Variants in ACOX3 observed in about 807,000 individuals in gnomAD.
ACOX3 encodes peroxisomal acyl-coenzyme A oxidase 3.
In ACOX3, 73 loss-of-function variants were observed where a neutral mutation model predicts 81.5. The observed-to-expected ratio is 0.90, with a 90% CI of 0.74 to 1.09. The LOEUF (loss-of-function observed/expected upper bound fraction) is 1.09, where lower values mean the gene tolerates loss of function less well. Ranked by LOEUF, ACOX3 falls within the 50% of genes least tolerant of loss-of-function variation. ACOX3 has a pLI of 0.00. For missense variants in ACOX3, 947 were observed against 928.0 expected, an observed-to-expected ratio of 1.02 and a Z score of -0.27; for synonymous variants, 387 against 375.1, an observed-to-expected ratio of 1.03 and a Z score of -0.37.
intron 16 of ACOX3, among the ~76,000 whole-genome samples, chr4:8,373,214 G>T (rs3756189): frequency 1.3e-5 from 2 of 152,040 alleles, no homozygotes; most frequent in African/African-American, 4.8e-5. Flanking sequence ...GAGACGCCCC[G>T]ACAGGTTTCT....
intron 1 of ACOX3, among the ~76,000 whole-genome samples, chr4:8,429,962 A>G (rs963381427): frequency 2.0e-5 from 3 of 152,176 alleles, no homozygotes; most frequent in Non-Finnish European, 4.4e-5. Flanking sequence ...AAAGGTTTGC[A>G]TTTATAGGGA....
chr4:8,371,104 T>C (rs758524975), intron 16 of ACOX3, 110 bp from the exon 17 acceptor site: 3 of 948,606 alleles, frequency 3.2e-6, no homozygotes, highest in Non-Finnish European at 4.9e-6. Flanking sequence ...ACGGGTCACC[T>C]GAGCGGCACG....
At position 8,375,145 on chromosome 4, in the gene ACOX3, T is replaced by C. The variant is rs747335472; in HGVS notation, c.1661A>G (p.His554Arg). 1.3e-6 allele frequency: 2 copies of C among 1,543,130 alleles called. No homozygotes were observed. Among genetic ancestry groups the C allele is most frequent in the Non-Finnish European group, 1.8e-6 (2 of 1,141,564 alleles). ...GAAGGCCAGCGCCAACGGACGGCCGTGGGACACCTGGAACACAGGACGGCA... is the reference window on the plus strand; with the variant it reads ...GAAGGCCAGCGCCAACGGACGGCCGCGGGACACCTGGAACACAGGACGGCA... Reference protein sequence around the residue: ...FEARNKCQVSHGRPLALAFVE... With the variant: ...FEARNKCQVSRGRPLALAFVE... The change falls in exon 15 of 18, where the codon CAC (histidine) becomes CGC (arginine). Residue 554 changes from histidine (H) to arginine (R), a missense_variant. By Grantham distance (29) the His-to-Arg change is conservative. Transcript: ENST00000356406.
At position 8,366,865 on chromosome 4, in the gene ACOX3, A is replaced by T. The variant is rs1221955824; in HGVS notation, c.*96T>A. 1 of 1,523,812 alleles carries T rather than the reference A, an allele frequency of 6.6e-7. No individual in the cohort carries two copies. Among genetic ancestry groups the T allele is most frequent in the Non-Finnish European group, 9.0e-7 (1 of 1,116,408 alleles). 94.4% of individuals were successfully genotyped at this position (1,523,812 alleles called of 1,614,324 possible). A position where few individuals can be genotyped will look rare whatever the true frequency, so the allele number is the denominator to read the frequency against. On this transcript the variant is annotated 3_prime_UTR_variant, in exon 18 of 18. Transcript: ENST00000356406. ...CACAGGTGCGGGCTCAGAAAGCAGC[A>T]GCAATCTCCGGCGTGTTCTGGAATC... is the stretch of plus-strand genomic sequence containing the variant.
chr4:8,423,069 G>A lies in ACOX3; in HGVS notation c.-14-6534C>T, dbSNP rs1289600317. Among the ~76,000 whole-genome samples, 1 of 152,174 alleles carries A rather than the reference G, an allele frequency of 6.6e-6. No homozygotes were observed. Among genetic ancestry groups the A allele is most frequent in the Non-Finnish European group, 1.5e-5 (1 of 68,022 alleles). On this transcript the variant is annotated intron_variant, in intron 1 of 17. Transcript: ENST00000356406. This position sits in a 1 kb window ranked among gnomAD's most constrained non-coding sequence, Gnocchi z 4.2. The stretch of plus-strand genomic sequence containing the variant: ...ACCATTGGGGGCCAGAAGGTTAACT[G>A]TCTCCTGAACACTGGCATGGCCTTC...
At chr4:8,369,817 A>G (rs1715931582) in intron 17 of ACOX3, among the ~76,000 whole-genome samples, 2 of 152,358 alleles carry the variant, frequency 1.3e-5, no homozygotes, top group African/African-American at 4.8e-5. Context: ...TTCAGCAGAA[A>G]TAACTCAGTT....
At chr4:8,372,955 C>T (rs1716406401) in intron 16 of ACOX3, among the ~76,000 whole-genome samples, 1 of 152,200 alleles carries the variant, frequency 6.6e-6, no homozygotes, top group African/African-American at 2.4e-5. Context: ...CGCCTTCCCC[C>T]AACCCAGCGG....
In ACOX3 at chr4:8,408,269, A is replaced by AG. The variant is rs1721242270; in HGVS notation, c.687+1942_687+1943insC. On this transcript the variant is annotated intron_variant, in intron 6 of 17. Coordinates refer to ENST00000356406, the MANE Select transcript of ACOX3 (RefSeq NM_003501.3). ...TCAGACACTGTCTCACAAAAAAAAA[A>AG]AAAAGAAAAAAAGAAAGAAACCTGC... is the stretch of plus-strand genomic sequence containing the variant. Among the ~76,000 whole-genome samples the AG allele has an allele frequency of 2.6e-5, 4 of 151,846 alleles. No homozygotes were observed. In the South Asian group the frequency reaches 8.3e-4, roughly 32 times the overall value.
At chr4:8,391,031 G>GTGTATATGTATA (rs57021460) in intron 11 of ACOX3, among the ~76,000 whole-genome samples, 28,036 of 148,084 alleles carry the variant, frequency 0.19, 2,805 homozygotes, top group Middle Eastern at 0.32. Flanking sequence ...GTATATGTAT[G>GTGTATATGTATA]TGTATATGTA....
downstream of ACOX3, among the ~76,000 whole-genome samples, chr4:8,365,112 G>A (rs903632248): frequency 3.3e-5 from 5 of 152,214 alleles, no homozygotes; most frequent in East Asian, 1.9e-4. Context: ...GACAGCCCAC[G>A]CAGGCCCAAC....
chr4:8,366,839 G>T lies in ACOX3; in HGVS notation c.*122C>A. The T allele has an allele frequency of 2.1e-6, 3 of 1,407,740 alleles. No individual in the cohort carries two copies. The highest frequency in any genetic ancestry group is 2.9e-6 in the Non-Finnish European group (3 of 1,032,352). 87.2% of individuals were successfully genotyped at this position (1,407,740 alleles called of 1,614,324 possible). The stretch of plus-strand genomic sequence containing the variant: ...GTTGAGGCCAATCAGCAGTTTAGGC[G>T]CACAGGTGCGGGCTCAGAAAGCAGC... On this transcript the variant is annotated 3_prime_UTR_variant, in exon 18 of 18. Transcript: ENST00000356406.
intron 14 of ACOX3, among the ~76,000 whole-genome samples, chr4:8,380,270 A>C: frequency 6.8e-6 from 1 of 146,984 alleles, no homozygotes. Flanking sequence ...GCTCTCTGCA[A>C]CCTCCACCTT....
chr4:8,439,956 T>C (rs1255484223), intron 1 of ACOX3, among the ~76,000 whole-genome samples: 1 of 152,028 alleles, frequency 6.6e-6, no homozygotes, highest in Admixed American at 6.6e-5. Context: ...GTCAGATAAA[T>C]AGCCAGACAA....
At chr4:8,422,133 A>G (rs1723013931) in intron 1 of ACOX3, among the ~76,000 whole-genome samples, 1 of 152,166 alleles carries the variant, frequency 6.6e-6, no homozygotes, top group South Asian at 2.1e-4. Context: ...AATGAGAGGG[A>G]AAGAGAAACA....
Position 8,389,720 on chromosome 4 carries a change from C to T in ACOX3, c.1315G>A (p.Val439Ile), listed in dbSNP as rs992727737. The change falls in exon 12 of 18, where the codon GTC becomes ATC. Residue 439 changes from valine (V) to isoleucine (I), a missense_variant. Transcript: ENST00000356406. This position sits in a 1 kb window ranked among gnomAD's most constrained non-coding sequence, Gnocchi z 5.3. ...TTGGGATCGTTGTCATCTCTAAGGA[C>T]ACCCAACCGGTTCACTGCAACAAAG... ...HGYLAMNRLG[V>I]LRDDNDPNCT... The T allele has an allele frequency of 6.2e-7, 1 of 1,614,030 alleles. No individual in the cohort carries two copies. Among genetic ancestry groups the T allele is most frequent in the Non-Finnish European group, 8.5e-7 (1 of 1,179,978 alleles).
chr4:8,437,548 A>C lies in ACOX3; in HGVS notation c.-15+3100T>G, dbSNP rs955364002. On this transcript the variant is annotated intron_variant, in intron 1 of 17. Coordinates refer to ENST00000356406, the MANE Select transcript of ACOX3 (RefSeq NM_003501.3). This position sits in a 1 kb window ranked among gnomAD's most constrained non-coding sequence, Gnocchi z 5.2. ...AACTCAGGAAGGAAAAAGAAAAACA[A>C]AGACTTAAGGAAAAAGGCCAATCTG... is the stretch of plus-strand genomic sequence containing the variant. Among the ~76,000 whole-genome samples, 2 of 152,238 alleles carry C rather than the reference A, an allele frequency of 1.3e-5. No individual in the cohort carries two copies. The highest frequency in any genetic ancestry group is 4.8e-5 in the African/African-American group (2 of 41,470).
Position 8,416,715 on chromosome 4 carries a change from A to G in ACOX3, c.-14-180T>C, listed in dbSNP as rs557904099. Among the ~76,000 whole-genome samples, 1 of 152,390 alleles carries G rather than the reference A, an allele frequency of 6.6e-6. No individual in the cohort carries two copies. The highest frequency in any genetic ancestry group is 1.9e-4 in the East Asian group (1 of 5,192). ...CATCATTTTCCCAGAAGAAAAGGCG[A>G]GAAGAATTCCCTCGTCCACTCCTGA... On this transcript the variant is annotated intron_variant, in intron 1 of 17. Coordinates refer to ENST00000356406, the MANE Select transcript of ACOX3 (RefSeq NM_003501.3). The surrounding 1 kb of genome is among the most constrained non-coding windows in gnomAD (Gnocchi z 4.2).
At chr4:8,435,979 G>C (rs1560211481) in intron 1 of ACOX3, among the ~76,000 whole-genome samples, 1 of 152,190 alleles carries the variant, frequency 6.6e-6, no homozygotes, top group East Asian at 1.9e-4. Flanking sequence ...AGATAGTCAA[G>C]TGGGCCCTCT....
chr4:8,373,440 G>C, intron 16 of ACOX3, 121 bp downstream of exon 16: 1 of 1,017,756 alleles, frequency 9.8e-7, no homozygotes. Context: ...AAGGGGGTGC[G>C]TGTCAGTCTG....
Sources: allele counts gnomAD v4.1 joint callset (sites outside exome capture counted in the v4.1 genomes callset), GRCh38; gene constraint gnomAD v4.1.1; non-coding constraint Gnocchi (gnomAD v3.1); transcripts MANE v1.5; gene names NCBI Gene and HGNC (gene_info 2026-07-23, HGNC 2026-07-21).